Variants in ZNF555 observed in about 807,000 individuals in gnomAD.
ZNF555 encodes zinc finger protein 555.
ZNF555 carries 10 observed loss-of-function variants against 14.0 expected under a neutral mutation model. The observed-to-expected ratio is 0.72, with a 90% CI of 0.44 to 1.21. ZNF555 has a LOEUF of 1.21. ZNF555 is among the 50% of genes most tolerant of loss of function. The pLI is 0.00. For synonymous variants in ZNF555, 277 were observed against 262.4 expected, an observed-to-expected ratio of 1.06 and a Z score of -0.54; for missense variants, 747 against 762.0, an observed-to-expected ratio of 0.98 and a Z score of 0.23.
intron 1 of ZNF555, among the ~76,000 whole-genome samples, chr19:2,848,935 C>T (rs921101832): frequency 6.6e-6 from 1 of 152,192 alleles, no homozygotes; most frequent in African/African-American, 2.4e-5. Flanking sequence ...CTAAGGGCAA[C>T]ATTGCCAGAA....
In ZNF555 at chr19:2,853,496, C is replaced by T. The variant is rs1257222278; in HGVS notation, c.1431C>T (p.Asp477=). 1.2e-6 allele frequency: 2 copies of T among 1,613,878 alleles called. No individual in the cohort carries two copies. Among genetic ancestry groups the T allele is most frequent in the African/African-American group, 1.3e-5 (1 of 74,940 alleles). ...FREHVRMHPE[D]KSYECKLCGK... is the part of the protein sequence containing the mutation. ...AACATGTGAGAATGCACCCTGAAGA[C>T]AAATCCTATGAATGCAAGCTATGTG... The change falls in exon 4 of 4, where the codon GAC becomes GAT. Residue 477 remains aspartate, a synonymous_variant. Transcript: ENST00000334241.
chr19:2,852,796 C>G lies in ZNF555; in HGVS notation c.731C>G (p.Thr244Ser). The G allele has an allele frequency of 6.2e-7, 1 of 1,614,088 alleles. No individual in the cohort carries two copies. Among genetic ancestry groups the G allele is most frequent in the Non-Finnish European group, 8.5e-7 (1 of 1,180,004 alleles). ...GKAFIDFSSL[T>S]SHLRSHTGEK... is the part of the protein sequence containing the mutation. The stretch of plus-strand genomic sequence containing the variant: ...GCCTTTATTGACTTCTCAAGTCTTA[C>G]TAGTCATCTCAGAAGTCACACCGGA... Residue 244 changes from threonine (T) to serine (S), a missense_variant, in exon 4 of 4, where the codon ACT (threonine) becomes AGT (serine). By Grantham distance (58) the Thr-to-Ser change is moderately conservative. Coordinates refer to ENST00000334241, the MANE Select transcript of ZNF555 (RefSeq NM_152791.5).
At chr19:2,841,644 T>C in intron 1 of ZNF555, 69 bp downstream of exon 1, 1 of 1,434,402 alleles carries the variant, frequency 7.0e-7, no homozygotes, top group South Asian at 1.4e-5. Flanking sequence ...AGACCGCGGC[T>C]TGGGGGGAGC....
intron 1 of ZNF555, among the ~76,000 whole-genome samples, chr19:2,841,823 G>A (rs1485272513): frequency 1.3e-5 from 2 of 151,556 alleles, no homozygotes; most frequent in African/African-American, 2.4e-5. Flanking sequence ...AGCGGCGCCC[G>A]GAGCCCGACT....
In ZNF555 at chr19:2,845,889, A is replaced by G. The variant is rs146285668; in HGVS notation, c.3+4314A>G. On this transcript the variant is annotated intron_variant, in intron 1 of 3. Transcript: ENST00000334241. ...TCAAACTTAGACCTGGGTGTCTTCC[A>G]GGGACAAGGCAGTGCCCTGAGTGCC... is the stretch of plus-strand genomic sequence containing the variant. Among the ~76,000 whole-genome samples, 424 of 152,316 alleles carry G rather than the reference A, an allele frequency of 2.8e-3. 3 individuals carry two copies. Among genetic ancestry groups the G allele is most frequent in the Admixed American group, 0.011 (161 of 15,288 alleles).
intron 1 of ZNF555, among the ~76,000 whole-genome samples, chr19:2,847,977 C>G (rs1337623983): frequency 1.3e-5 from 2 of 152,124 alleles, no homozygotes; most frequent in Admixed American, 1.3e-4. Context: ...TGTCCCCTGC[C>G]TCCCCAGGGT....
chr19:2,848,511 C>T lies in ZNF555; in HGVS notation c.4-2076C>T, dbSNP rs148485017. Among the ~76,000 whole-genome samples, 28 of 151,860 alleles carry T rather than the reference C, an allele frequency of 1.8e-4. No homozygotes were observed. The East Asian group carries it at 4.5e-3, about 24-fold the overall frequency. ...TTTCTCAGGCTGTAGTGCAGTGGCACGATCTTGGCTCACTGCAACCTCCAC... is the reference window on the plus strand; with the variant it reads ...TTTCTCAGGCTGTAGTGCAGTGGCATGATCTTGGCTCACTGCAACCTCCAC... On this transcript the variant is annotated intron_variant, in intron 1 of 3. Coordinates refer to ENST00000334241, the MANE Select transcript of ZNF555 (RefSeq NM_152791.5).
At chr19:2,852,147 C>CAA (rs35002179) in intron 3 of ZNF555, among the ~76,000 whole-genome samples, 2 of 145,042 alleles carry the variant, frequency 1.4e-5, no homozygotes, top group African/African-American at 5.1e-5. Flanking sequence ...GACTCTGTCT[C>CAA]AAAAAAAAAA....
Position 2,855,253 on chromosome 19 carries a change from C to T in ZNF555, c.*1301C>T, listed in dbSNP as rs2087673920. 1 of 152,058 alleles carries T rather than the reference C, an allele frequency of 6.6e-6. No individual in the cohort carries two copies. Among genetic ancestry groups the T allele is most frequent in the African/African-American group, 2.4e-5 (1 of 41,392 alleles). 9.4% of individuals were successfully genotyped at this position (152,058 alleles called of 1,614,324 possible). A position where few individuals can be genotyped will look rare whatever the true frequency, so the allele number is the denominator to read the frequency against. ...ATGTGGATTTTGTTTCAAGGAAAAC[C>T]TTCTGTAGATATTTCTTAGAAATAT... is the stretch of plus-strand genomic sequence containing the variant. On this transcript the variant is annotated 3_prime_UTR_variant, in exon 4 of 4. Coordinates refer to ENST00000334241, the MANE Select transcript of ZNF555 (RefSeq NM_152791.5).
intron 1 of ZNF555, among the ~76,000 whole-genome samples, chr19:2,842,657 C>T (rs931417858): frequency 1.3e-5 from 2 of 152,196 alleles, no homozygotes; most frequent in African/African-American, 2.4e-5. Flanking sequence ...TGACCCCTCC[C>T]TGGGTTTGTC....
chr19:2,857,758 G>A lies in ZNF555; in HGVS notation c.*3806G>A, dbSNP rs1243297088. 1 of 152,266 alleles carries A rather than the reference G, an allele frequency of 6.6e-6. No homozygotes were observed. The highest frequency in any genetic ancestry group is 1.5e-5 in the Non-Finnish European group (1 of 68,086). 9.4% of individuals were successfully genotyped at this position (152,266 alleles called of 1,614,324 possible). A position where few individuals can be genotyped will look rare whatever the true frequency, so the allele number is the denominator to read the frequency against. On this transcript the variant is annotated 3_prime_UTR_variant, in exon 4 of 4. Coordinates refer to ENST00000334241, the MANE Select transcript of ZNF555 (RefSeq NM_152791.5). ...TTTGGGAAGCTGAGGCGGGAGGATT[G>A]CTTGTGGCCAGGAGGTTGAGGCTGC... is the stretch of plus-strand genomic sequence containing the variant.
At chr19:2,843,690 A>G (rs1239702578) in intron 1 of ZNF555, among the ~76,000 whole-genome samples, 1 of 152,162 alleles carries the variant, frequency 6.6e-6, no homozygotes, top group Non-Finnish European at 1.5e-5. Flanking sequence ...TTAATTCTAT[A>G]ATACATTTTT....
At chr19:2,850,326 A>G (rs962968707) in intron 1 of ZNF555, among the ~76,000 whole-genome samples, 3 of 152,186 alleles carry the variant, frequency 2.0e-5, no homozygotes, top group Admixed American at 6.5e-5. Context: ...GATATCTCCA[A>G]TGTGGTCTGA....
intron 1 of ZNF555, among the ~76,000 whole-genome samples, chr19:2,846,441 C>T (rs1198570345): frequency 6.6e-6 from 1 of 152,218 alleles, no homozygotes; most frequent in Non-Finnish European, 1.5e-5. Context: ...GCCACATGGA[C>T]CAGCCAGCAC....
chr19:2,852,723 A>G lies in ZNF555; in HGVS notation c.658A>G (p.Arg220Gly), dbSNP rs1329002524. 1 of 1,614,064 alleles carries G rather than the reference A, an allele frequency of 6.2e-7. No individual in the cohort carries two copies. The highest frequency in any genetic ancestry group is 8.5e-7 in the Non-Finnish European group (1 of 1,180,026). ...TACTTCCTCCCTCAATCGGCATGTA[A>G]GGATTCACACTGCTGAGAAAACCTA... ...PRTSSLNRHV[R>G]IHTAEKTYEC... Residue 220 changes from arginine (R) to glycine (G), a missense_variant, in exon 4 of 4, where the codon AGG becomes GGG. Physicochemically the swap from Arg to Gly is moderately radical, Grantham distance 125. Transcript: ENST00000334241.
rs1402211358 is a variant in ZNF555, at chr19:2,853,348, A to G, written c.1283A>G (p.Gln428Arg). ...HTGEKPYECK[Q>R]CGKTFNWPIS... ...GGAGAGAAACCCTATGAGTGCAAGCAATGTGGGAAAACTTTCAATTGGCCC... is the reference window on the plus strand; with the variant it reads ...GGAGAGAAACCCTATGAGTGCAAGCGATGTGGGAAAACTTTCAATTGGCCC... Residue 428 changes from glutamine to arginine, a missense_variant, in exon 4 of 4, where the codon CAA becomes CGA. Gln to Arg is a conservative substitution (Grantham distance 43). Transcript: ENST00000334241. 6.2e-7 allele frequency: 1 copy of G among 1,614,132 alleles called. No individual in the cohort carries two copies.
chr19:2,851,412 G>T, intron 2 of ZNF555, 56 bp from the exon 3 acceptor site: 1 of 1,452,720 alleles, frequency 6.9e-7, no homozygotes, highest in African/African-American at 1.4e-5. Flanking sequence ...ACTCCTCAGT[G>T]TCGTTTTCCG....
rs1352661833 is a variant in ZNF555 at position 2,856,332 on chromosome 19, G to A, written c.*2380G>A. Reference sequence around the variant, plus strand: ...TGATTCTCCTGCCTCAGCCTCCCGAGTAGTTGGGATTACAGGCATGCACCA... The same window carrying A: ...TGATTCTCCTGCCTCAGCCTCCCGAATAGTTGGGATTACAGGCATGCACCA... On this transcript the variant is annotated 3_prime_UTR_variant, in exon 4 of 4. Coordinates refer to ENST00000334241, the MANE Select transcript of ZNF555 (RefSeq NM_152791.5). 1 of 152,022 alleles carries A rather than the reference G, an allele frequency of 6.6e-6. No individual in the cohort carries two copies. Among genetic ancestry groups the A allele is most frequent in the African/African-American group, 2.4e-5 (1 of 41,356 alleles). 9.4% of individuals were successfully genotyped at this position (152,022 alleles called of 1,614,324 possible).
At chr19:2,844,421 C>T (rs1419016904) in intron 1 of ZNF555, among the ~76,000 whole-genome samples, 1 of 151,480 alleles carries the variant, frequency 6.6e-6, no homozygotes, top group South Asian at 2.1e-4. Flanking sequence ...GTATTTCTAG[C>T]AGATACAGGG....
Sources: allele counts gnomAD v4.1 joint callset (sites outside exome capture counted in the v4.1 genomes callset), GRCh38; gene constraint gnomAD v4.1.1; transcripts MANE v1.5; gene names NCBI Gene and HGNC (gene_info 2026-07-23, HGNC 2026-07-21).